The following SBNO2 variants were observed in gnomAD, a reference collection of about 807,000 sequenced individuals.
SBNO2 encodes the protein strawberry notch homolog 2.
In SBNO2, 89 loss-of-function variants were observed where a neutral mutation model predicts 146.3. That is an observed-to-expected ratio of 0.61 (90% CI 0.51 to 0.73). SBNO2 has a LOEUF of 0.73. SBNO2 is among the 30% of genes least tolerant of loss of function. The pLI is 0.00. For synonymous variants in SBNO2, 1,147 were observed against 892.6 expected (o/e 1.29, Z -5.08); for missense variants, 2,092 against 2,003.7 (o/e 1.04, Z -0.84).
rs569725257 is a variant in SBNO2, at chr19:1,115,787, C to G, written c.1885+234G>C. ...CCCGCCCCCCGGGTCTCGCTCGGCACCCACGTCTGTGTCCTTCAGGCTGTC... is the reference window on the plus strand; with the variant it reads ...CCCGCCCCCCGGGTCTCGCTCGGCAGCCACGTCTGTGTCCTTCAGGCTGTC... On this transcript the variant is annotated intron_variant, in intron 17 of 31. Coordinates refer to ENST00000361757, the MANE Select transcript of SBNO2 (RefSeq NM_014963.3). 702 of 583,102 alleles carry G rather than the reference C, an allele frequency of 1.2e-3. 2 individuals carry two copies. Among genetic ancestry groups the G allele is most frequent in the Admixed American group, 3.0e-3 (99 of 33,156 alleles). 36.1% of individuals were successfully genotyped at this position (583,102 alleles called of 1,614,324 possible).
In SBNO2 at chr19:1,127,706, G is replaced by A. The variant is rs2079982339; in HGVS notation, c.339C>T (p.Ser113=). ...CGGGCGTGTCCACGATGTCCGACAG[G>A]GAGTCCACGGACGAGGAGAAGATGG... is the stretch of plus-strand genomic sequence containing the variant. The part of the protein sequence containing the change: ...NISIFSSSVD[S]LSDIVDTPDF... Residue 113 remains serine (S), a synonymous_variant, in exon 5 of 32, where the codon TCC becomes TCT. Coordinates refer to ENST00000361757, the MANE Select transcript of SBNO2 (RefSeq NM_014963.3). 1.9e-6 allele frequency: 3 copies of A among 1,613,592 alleles called. No homozygotes were observed. The highest frequency in any genetic ancestry group is 2.7e-5 in the African/African-American group (2 of 75,038).
chr19:1,114,348 C>T lies in SBNO2; in HGVS notation c.1960G>A (p.Asp654Asn), dbSNP rs1455649410. The T allele has an allele frequency of 2.6e-6, 4 of 1,557,530 alleles. No homozygotes were observed. Among genetic ancestry groups the T allele is most frequent in the African/African-American group, 1.4e-5 (1 of 73,448 alleles). The part of the protein sequence containing the change: ...ETAGVIRISD[D>N]SSTESDPGLD... ...CCAGGGTCCGACTCCGTGCTGCTGT[C>T]GTCACTGATGCGGATGACGCCCGCT... Residue 654 changes from aspartate (D) to asparagine (N), a missense_variant, in exon 18 of 32, where the codon GAC becomes AAC. By Grantham distance (23) the Asp-to-Asn change is conservative (BLOSUM62 1). Coordinates refer to ENST00000361757, the MANE Select transcript of SBNO2 (RefSeq NM_014963.3).
chr19:1,113,010 A>G, intron 19 of SBNO2, 61 bp from the exon 20 acceptor site: 1 of 1,499,300 alleles, frequency 6.7e-7, no homozygotes. Flanking sequence ...GAGTCTGGCC[A>G]CCCGTGTCTC....
chr19:1,129,086 G>T (rs1217172519), intron 4 of SBNO2, among the ~76,000 whole-genome samples: 4 of 151,912 alleles, frequency 2.6e-5, no homozygotes, highest in Non-Finnish European at 5.9e-5. Context: ...GACCAATATG[G>T]TAAAACCCTG....
Position 1,116,087 on chromosome 19 carries a change from G to T in SBNO2, c.1819C>A (p.Leu607Ile). The T allele has an allele frequency of 6.2e-7, 1 of 1,610,912 alleles. No individual in the cohort carries two copies. The highest frequency in any genetic ancestry group is 8.5e-7 in the Non-Finnish European group (1 of 1,178,980). Residue 607 changes from leucine to isoleucine, a missense_variant, in exon 17 of 32, where the codon CTA becomes ATA. Transcript: ENST00000361757. ...GTGGACGGAAAGTGCTTCTGAATTA[G>T]CGACAGGAACACGCCTCTGAAAGTG... ...VSAAEGVFLSLIQKHFPSTKR... is the reference protein window; with the variant it reads ...VSAAEGVFLSIIQKHFPSTKR...
chr19:1,140,829 GA>G lies in SBNO2; in HGVS notation c.279+6479del. On this transcript the variant is annotated intron_variant, in intron 4 of 31. Transcript: ENST00000361757. This position sits in a 1 kb window ranked among gnomAD's most constrained non-coding sequence, Gnocchi z 4.4. Reference sequence around the variant, plus strand: ...CTGAGAGAAACAGGAAATGGATGGTGAAGGAACCCCGTCCCCGCCAAGCGGC... The same window carrying G: ...CTGAGAGAAACAGGAAATGGATGGTGAGGAACCCCGTCCCCGCCAAGCGGC... 6.6e-6 allele frequency among the ~76,000 whole-genome samples: 1 copy of G among 152,196 alleles called. No homozygotes were observed. Among genetic ancestry groups the G allele is most frequent in the African/African-American group, 2.4e-5 (1 of 41,518 alleles).
chr19:1,167,777 A>T (rs1419113703), intron 1 of SBNO2, among the ~76,000 whole-genome samples: 1 of 152,198 alleles, frequency 6.6e-6, no homozygotes, highest in Non-Finnish European at 1.5e-5. Flanking sequence ...ACACAGCGCC[A>T]GGCCATGAGG....
rs2079705343 is a variant in SBNO2 at position 1,108,588 on chromosome 19, G to GCGGGGCGGGCGGGGCGGGGCAGCC, written c.3709_3732dup (p.Gly1237_Pro1244dup). On this transcript the variant is annotated inframe_insertion, in exon 32 of 32. Transcript: ENST00000361757. ...GGGCCGCAAGGCAGCGCCAGCGGGC[G>GCGGGGCGGGCGGGGCGGGGCAGCC]CGGGGCGGGCGGGGCGGGGCAGCCC... 4.5e-5 allele frequency: 58 copies of GCGGGGCGGGCGGGGCGGGGCAGCC among 1,284,528 alleles called. No homozygotes were observed. Among genetic ancestry groups the GCGGGGCGGGCGGGGCGGGGCAGCC allele is most frequent in the Non-Finnish European group, 5.5e-5 (56 of 1,019,766 alleles). 79.6% of individuals were successfully genotyped at this position (1,284,528 alleles called of 1,614,324 possible). A position where few individuals can be genotyped will look rare whatever the true frequency, so the allele number is the denominator to read the frequency against.
chr19:1,171,247 C>T (rs573446633), intron 1 of SBNO2, among the ~76,000 whole-genome samples: 1 of 152,192 alleles, frequency 6.6e-6, no homozygotes, highest in African/African-American at 2.4e-5. Flanking sequence ...CACCCACATC[C>T]GTACAACACA....
chr19:1,165,671 C>G (rs1451587184), intron 1 of SBNO2, among the ~76,000 whole-genome samples: 2 of 133,604 alleles, frequency 1.5e-5, no homozygotes, highest in African/African-American at 5.3e-5. Flanking sequence ...AGACCCCAGA[C>G]CCCAGTACCC....
At chr19:1,116,169 G>A in intron 16 of SBNO2, 66 bp from the exon 17 acceptor site, 3 of 1,467,326 alleles carry the variant, frequency 2.0e-6, no homozygotes, top group Non-Finnish European at 2.8e-6. Flanking sequence ...TGCTCTCCAG[G>A]AGCTGGACGC....
At position 1,109,909 on chromosome 19, in the gene SBNO2, G is replaced by A; in HGVS notation, c.3029-132C>T. The A allele has an allele frequency of 4.6e-6, 3 of 657,322 alleles. No individual in the cohort carries two copies. The highest frequency in any genetic ancestry group is 2.9e-5 in the Admixed American group (1 of 33,918). The allele number at this position is 657,322 out of a possible 1,614,324, so 40.7% of individuals were successfully genotyped here. On this transcript the variant is annotated intron_variant, in intron 26 of 31. Transcript: ENST00000361757. This position sits in a 1 kb window ranked among gnomAD's most constrained non-coding sequence, Gnocchi z 4.2. ...CACAGGAGAGGGTGTCCTGGATCCT[G>A]GCCTGACCTGGCCCAGCGTGGGGAT...
Position 1,157,875 on chromosome 19 carries a change from A to G in SBNO2, c.-126-3473T>C, listed in dbSNP as rs565639141. ...CTCTCTCTTGAGTCCGGGTAACTGC[A>G]TCTGCCTCCCAGCTCTCTCTCCTGA... On this transcript the variant is annotated intron_variant, in intron 1 of 31. Coordinates refer to ENST00000361757, the MANE Select transcript of SBNO2 (RefSeq NM_014963.3). The surrounding 1 kb of genome is among the most constrained non-coding windows in gnomAD (Gnocchi z 6.8). Among the ~76,000 whole-genome samples, 202 of 136,382 alleles carry G rather than the reference A, an allele frequency of 1.5e-3. 1 individual carries two copies. The highest frequency in any genetic ancestry group is 5.7e-3 in the African/African-American group (195 of 34,056). 89.5% of individuals were successfully genotyped at this position (136,382 alleles called of 152,430 possible). A position where few individuals can be genotyped will look rare whatever the true frequency, so the allele number is the denominator to read the frequency against.
rs773668737 is a variant in SBNO2 at position 1,112,337 on chromosome 19, G to A, written c.2516-36C>T. 7.1e-5 allele frequency: 111 copies of A among 1,565,868 alleles called. No homozygotes were observed. Among genetic ancestry groups the A allele is most frequent in the Non-Finnish European group, 8.6e-5 (100 of 1,157,544 alleles). ...AGCTGCTCTCAGGGCCCGGCCAGGC[G>A]GGGGCGGGGCCGAGACCATGTTGGG... On this transcript the variant is annotated intron_variant, in intron 21 of 31. Transcript: ENST00000361757. The surrounding 1 kb of genome is among the most constrained non-coding windows in gnomAD (Gnocchi z 5.9).
At chr19:1,133,795 A>G (rs1489344175) in intron 4 of SBNO2, among the ~76,000 whole-genome samples, 1 of 152,178 alleles carries the variant, frequency 6.6e-6, no homozygotes, top group African/African-American at 2.4e-5. Flanking sequence ...CCAGCAGCCA[A>G]TCACAGCCAC....
rs1403662745 is a variant in SBNO2, at chr19:1,110,090, G to A, written c.3029-313C>T. On this transcript the variant is annotated intron_variant, in intron 26 of 31. Coordinates refer to ENST00000361757, the MANE Select transcript of SBNO2 (RefSeq NM_014963.3). The surrounding 1 kb of genome is among the most constrained non-coding windows in gnomAD (Gnocchi z 4.9). ...AGCCTGGGGGCCGCTCAGATCCTAGGTAACCCCAAGCAGGCTGTGAGGAGA... is the reference window on the plus strand; with the variant it reads ...AGCCTGGGGGCCGCTCAGATCCTAGATAACCCCAAGCAGGCTGTGAGGAGA... Among the ~76,000 whole-genome samples the A allele has an allele frequency of 6.6e-6, 1 of 151,476 alleles. No homozygotes were observed. The highest frequency in any genetic ancestry group is 2.4e-5 in the African/African-American group (1 of 41,148).
intron 4 of SBNO2, among the ~76,000 whole-genome samples, chr19:1,141,101 C>T (rs1212139744): frequency 2.0e-5 from 3 of 149,982 alleles, no homozygotes; most frequent in African/African-American, 4.9e-5. Flanking sequence ...GAAGACGCGC[C>T]CCGGAGAACA....
rs2079778318 is a variant in SBNO2 at position 1,112,570 on chromosome 19, G to A, written c.2380-33C>T. 2 of 1,566,882 alleles carry A rather than the reference G, an allele frequency of 1.3e-6. No individual in the cohort carries two copies. The highest frequency in any genetic ancestry group is 1.7e-6 in the Non-Finnish European group (2 of 1,162,462). On this transcript the variant is annotated intron_variant, in intron 20 of 31. Transcript: ENST00000361757. The surrounding 1 kb of genome is among the most constrained non-coding windows in gnomAD (Gnocchi z 5.9). ...GAAAGAAGGGGCCGGGACACGGTTG[G>A]TGCAAGGCCCGCCCCAGCGTTGCCG...
At chr19:1,156,669 A>C (rs1033992987) in intron 1 of SBNO2, among the ~76,000 whole-genome samples, 18 of 152,166 alleles carry the variant, frequency 1.2e-4, no homozygotes, top group African/African-American at 3.1e-4. Context: ...CGACACAGCC[A>C]TGAACAGCAG....
Sources: gnomAD v4.1 joint callset for allele counts (sites outside exome capture counted in the v4.1 genomes callset) on GRCh38, gnomAD v4.1.1 for gene constraint, Gnocchi (gnomAD v3.1) non-coding constraint, MANE v1.5 for transcripts, NCBI Gene and HGNC (gene_info 2026-07-23, HGNC 2026-07-21) for gene names.